The following SHISA9 variants were observed in gnomAD, a reference collection of about 807,000 sequenced individuals.
The protein encoded by SHISA9 is protein shisa-9.
SHISA9 carries 13 observed loss-of-function variants against 38.0 expected under a neutral mutation model. That is an observed-to-expected ratio of 0.34 (90% confidence interval 0.22 to 0.54). SHISA9 has a LOEUF of 0.54. Among genes scored for constraint, SHISA9 ranks in the 20% least tolerant of loss-of-function variants. The pLI is 0.91. For missense variants in SHISA9, 538 were observed against 575.8 expected, an observed-to-expected ratio of 0.93 and a Z score of 0.67; for synonymous variants, 275 against 242.0, an observed-to-expected ratio of 1.14 and a Z score of -1.27.
intron 2 of SHISA9, among the ~76,000 whole-genome samples, chr16:13,013,335 T>C (rs2072701861): frequency 8.5e-5 from 13 of 152,204 alleles, no homozygotes; most frequent in Admixed American, 8.5e-4. Flanking sequence ...AGCCCTTTGT[T>C]TCTTAGCCTG....
chr16:13,078,609 T>C (rs892097474), intron 2 of SHISA9, among the ~76,000 whole-genome samples: 8 of 152,204 alleles, frequency 5.3e-5, no homozygotes, highest in Admixed American at 4.6e-4. Flanking sequence ...TTTTGCCATG[T>C]TGACCAAGCT....
chr16:13,255,360 T>A, the SHISA9 span, among the ~76,000 whole-genome samples: 18 of 152,178 alleles, frequency 1.2e-4, no homozygotes, highest in African/African-American at 3.1e-4. Flanking sequence ...TTCTCTCTGT[T>A]TGACCTTATG....
chr16:13,271,900 G>T, the SHISA9 span, among the ~76,000 whole-genome samples: 8 of 151,938 alleles, frequency 5.3e-5, no homozygotes, highest in Non-Finnish European at 7.4e-5. Flanking sequence ...TGAACAACAT[G>T]GTGAAACCCC....
At chr16:13,386,924 G>A in the SHISA9 span, among the ~76,000 whole-genome samples, 495 of 152,116 alleles carry the variant, frequency 3.3e-3, 3 homozygotes, top group African/African-American at 9.0e-3. Context: ...ATTCATATGC[G>A]TGTCTCTCTG....
the SHISA9 span, among the ~76,000 whole-genome samples, chr16:13,338,754 T>G: frequency 6.6e-6 from 1 of 152,334 alleles, no homozygotes; most frequent in South Asian, 2.1e-4. Context: ...GTTTGTAATC[T>G]CCAGGTGAAT....
the SHISA9 span, among the ~76,000 whole-genome samples, chr16:13,442,554 C>T: frequency 6.6e-6 from 1 of 151,016 alleles, no homozygotes; most frequent in African/African-American, 2.5e-5. Context: ...ATCCGCCCAC[C>T]TTGGCCTCCC....
chr16:12,930,907 C>T (rs2071453509), intron 2 of SHISA9, among the ~76,000 whole-genome samples: 1 of 152,120 alleles, frequency 6.6e-6, no homozygotes, highest in African/African-American at 2.4e-5. Flanking sequence ...ATAAGGCAAT[C>T]ATCCAATGGC....
the SHISA9 span, among the ~76,000 whole-genome samples, chr16:13,405,381 C>G: frequency 1.3e-5 from 2 of 152,138 alleles, no homozygotes; most frequent in African/African-American, 4.8e-5. Flanking sequence ...TGCACTCACC[C>G]AGAAGATAGA....
chr16:13,320,626 G>C, the SHISA9 span, among the ~76,000 whole-genome samples: 1 of 152,190 alleles, frequency 6.6e-6, no homozygotes, highest in Non-Finnish European at 1.5e-5. Flanking sequence ...CTGGACAATG[G>C]CTTCTTCCAG....
intron 2 of SHISA9, among the ~76,000 whole-genome samples, chr16:13,033,093 T>C (rs528629373): frequency 2.0e-5 from 3 of 152,316 alleles, no homozygotes; most frequent in South Asian, 4.1e-4. Flanking sequence ...TCAAGTCTAG[T>C]AGAAAAGATA....
chr16:12,935,407 T>C (rs985801659), intron 2 of SHISA9, among the ~76,000 whole-genome samples: 17 of 152,222 alleles, frequency 1.1e-4, no homozygotes, highest in Admixed American at 2.0e-4. Flanking sequence ...CCCTGTGGCT[T>C]AGCTCCTGTG....
chr16:13,445,174 C>A, the SHISA9 span, among the ~76,000 whole-genome samples: 8 of 151,754 alleles, frequency 5.3e-5, no homozygotes, highest in Non-Finnish European at 1.2e-4. Flanking sequence ...GAAAAGATTT[C>A]TTTTTCATCC....
In SHISA9 at chr16:13,086,782, G is replaced by T. The variant is rs1407418825; in HGVS notation, c.692-116612G>T. 2.6e-5 allele frequency among the ~76,000 whole-genome samples: 4 copies of T among 152,022 alleles called. No homozygotes were observed. The East Asian group carries it at 5.8e-4, about 22-fold the overall frequency. ...GAGAAAGATTCTAATACATTATAAG[G>T]AAGATTTTGTTTTTCTAAGAACCAG... On this transcript the variant is annotated intron_variant, in intron 2 of 4. Transcript: ENST00000558583.
the SHISA9 span, among the ~76,000 whole-genome samples, chr16:13,346,847 T>C: frequency 8.5e-5 from 13 of 152,350 alleles, 1 homozygote; most frequent in South Asian, 2.7e-3. Flanking sequence ...AATATTTACC[T>C]GCACCCTTAA....
the SHISA9 span, among the ~76,000 whole-genome samples, chr16:13,288,832 TTCTTA>T: frequency 6.6e-6 from 1 of 152,108 alleles, no homozygotes; most frequent in African/African-American, 2.4e-5. Flanking sequence ...TCTTTTTCTC[TTCTTA>T]TAAGTCCACA....
At chr16:13,318,917 C>G in the SHISA9 span, among the ~76,000 whole-genome samples, 176 of 152,384 alleles carry the variant, frequency 1.2e-3, no homozygotes, top group African/African-American at 4.2e-3. Context: ...GCTCAGAGCT[C>G]TCCACCATGT....
chr16:12,906,263 A>G (rs930137567), intron 1 of SHISA9, among the ~76,000 whole-genome samples: 1 of 152,226 alleles, frequency 6.6e-6, no homozygotes, highest in Non-Finnish European at 1.5e-5. Context: ...GACTGAAAGC[A>G]TATTCTCTTG....
the SHISA9 span, among the ~76,000 whole-genome samples, chr16:13,304,840 A>G: frequency 6.6e-6 from 1 of 152,218 alleles, no homozygotes; most frequent in African/African-American, 2.4e-5. Context: ...ATTGGTTTCC[A>G]GAGGGCAGAA....
the SHISA9 span, among the ~76,000 whole-genome samples, chr16:13,338,470 T>A: frequency 8.9e-3 from 1,355 of 152,294 alleles, 7 homozygotes; most frequent in Middle Eastern, 0.014. Flanking sequence ...GTGTTGAGGC[T>A]GAGCAGATTG....
Sources: allele counts gnomAD v4.1 joint callset (sites outside exome capture counted in the v4.1 genomes callset), GRCh38; gene constraint gnomAD v4.1.1; transcripts MANE v1.5; gene names NCBI Gene and HGNC (gene_info 2026-07-23, HGNC 2026-07-21).